The following ITGA9 variants were observed in gnomAD, a reference collection of about 807,000 sequenced individuals.
ITGA9 encodes the protein integrin subunit alpha 9.
ITGA9 carries 56 observed loss-of-function variants against 127.8 expected under a neutral mutation model. The ratio of observed to expected loss-of-function variants is 0.44; its 90% CI spans 0.35 to 0.55. The LOEUF (loss-of-function observed/expected upper bound fraction) is 0.55, where lower values mean the gene tolerates loss of function less well. ITGA9 is among the 20% of genes least tolerant of loss of function. The probability of loss-of-function intolerance (pLI) is 0.00; values close to 1 mark genes in which losing one functional copy is unlikely to be tolerated. For missense variants in ITGA9, 1,196 were observed against 1,347.1 expected (o/e 0.89, Z 1.76); for synonymous variants, 508 against 514.5 (o/e 0.99, Z 0.17).
chr3:37,715,141 G>T (rs1001223689), intron 18 of ITGA9, among the ~76,000 whole-genome samples: 8 of 152,182 alleles, frequency 5.3e-5, no homozygotes, highest in Non-Finnish European at 1.2e-4. Context: ...CCAGGTTAAG[G>T]GTCTCATTCT....
chr3:37,755,405 T>C (rs536306664), intron 23 of ITGA9, among the ~76,000 whole-genome samples: 2 of 151,132 alleles, frequency 1.3e-5, no homozygotes, highest in African/African-American at 4.9e-5. Context: ...AGGAGGAGCA[T>C]CAACACCAGG....
intron 23 of ITGA9, among the ~76,000 whole-genome samples, chr3:37,774,624 G>T (rs1481201739): frequency 6.6e-6 from 1 of 151,988 alleles, no homozygotes; most frequent in Admixed American, 6.5e-5. Context: ...CTACTCAGGA[G>T]GCTGAGGAAG....
chr3:37,754,339 T>G (rs1319632756), intron 23 of ITGA9, among the ~76,000 whole-genome samples: 1 of 152,108 alleles, frequency 6.6e-6, no homozygotes, highest in Non-Finnish European at 1.5e-5. Flanking sequence ...GGAGAAGGCT[T>G]TGGGATTTGG....
chr3:37,479,742 G>C (rs1027293406), intron 3 of ITGA9, among the ~76,000 whole-genome samples: 4 of 152,190 alleles, frequency 2.6e-5, no homozygotes, highest in Non-Finnish European at 4.4e-5. Context: ...GATGGAAAAT[G>C]CTTCATAGTG....
At chr3:37,648,676 A>G (rs897231621) in intron 16 of ITGA9, among the ~76,000 whole-genome samples, 2 of 152,102 alleles carry the variant, frequency 1.3e-5, no homozygotes, top group African/African-American at 4.8e-5. Flanking sequence ...CAACAATACT[A>G]TACCCAGTAA....
In ITGA9 at chr3:37,533,417, A is replaced by ATTC. The variant is rs777288961; in HGVS notation, c.1477_1478insTTC (p.Asn493delinsIleHis). The ATTC allele has an allele frequency of 6.2e-7, 1 of 1,614,194 alleles. No individual in the cohort carries two copies. The highest frequency in any genetic ancestry group is 1.1e-5 in the South Asian group (1 of 91,084). On this transcript the variant is annotated protein_altering_variant, in exon 14 of 28. Coordinates refer to ENST00000264741, the MANE Select transcript of ITGA9 (RefSeq NM_002207.3). Reference sequence around the variant, plus strand: ...CGGACAGCAGCCTGTGAACTGCCTGAACGTCACCACCTGCTTCAGCTTCCA... The same window carrying ATTC: ...CGGACAGCAGCCTGTGAACTGCCTGATTCACGTCACCACCTGCTTCAGCTTCCA...
rs1276344028 is a variant in ITGA9 at position 37,596,398 on chromosome 3, G to T, written c.1690-32789G>T. 3.9e-5 allele frequency among the ~76,000 whole-genome samples: 6 copies of T among 152,256 alleles called. No individual in the cohort carries two copies. The East Asian group carries it at 1.2e-3, about 29-fold the overall frequency. ...CGTTTTTGGAGAAGGCTGATGGGCT[G>T]GGGGGTGTTTTCCGACCTGAGCCCC... On this transcript the variant is annotated intron_variant, in intron 15 of 27. Transcript: ENST00000264741.
chr3:37,463,750 A>G (rs1698341027), intron 1 of ITGA9, among the ~76,000 whole-genome samples: 1 of 152,226 alleles, frequency 6.6e-6, no homozygotes, highest in Admixed American at 6.5e-5. Context: ...CCACTTTGTA[A>G]TATATTACTG....
intron 22 of ITGA9, chr3:37,748,781 C>G: frequency 1.6e-6 from 1 of 611,556 alleles, no homozygotes; most frequent in South Asian, 1.8e-5. Context: ...GGAAGCCAAA[C>G]AGAAAGATAC....
chr3:37,556,675 G>T (rs1699434036), intron 15 of ITGA9, among the ~76,000 whole-genome samples: 1 of 152,204 alleles, frequency 6.6e-6, no homozygotes, highest in Non-Finnish European at 1.5e-5. Flanking sequence ...GGTGCTGCTG[G>T]TCCATAGACC....
At chr3:37,782,236 T>A (rs761240734) in intron 25 of ITGA9, among the ~76,000 whole-genome samples, 2 of 152,256 alleles carry the variant, frequency 1.3e-5, no homozygotes, top group Admixed American at 6.5e-5. Context: ...CCACTGTCCA[T>A]AGAGCCCTGG....
chr3:37,652,948 A>C (rs1575181329), intron 16 of ITGA9, among the ~76,000 whole-genome samples: 2 of 152,262 alleles, frequency 1.3e-5, no homozygotes, highest in South Asian at 2.1e-4. Flanking sequence ...CCCCTCTCCA[A>C]ATGCTGCTGC....
chr3:37,765,434 A>T (rs931332233), intron 23 of ITGA9, among the ~76,000 whole-genome samples: 1 of 152,124 alleles, frequency 6.6e-6, no homozygotes, highest in African/African-American at 2.4e-5. Flanking sequence ...GACACTGCTG[A>T]TCTCAGTAAT....
intron 20 of ITGA9, among the ~76,000 whole-genome samples, chr3:37,738,661 C>G (rs191763060): frequency 4.7e-4 from 71 of 152,294 alleles, no homozygotes; most frequent in African/African-American, 1.5e-3. Context: ...CATTCTCTTG[C>G]CATTTCTTGG....
chr3:37,568,568 G>A (rs1699571396), intron 15 of ITGA9, among the ~76,000 whole-genome samples: 1 of 152,156 alleles, frequency 6.6e-6, no homozygotes, highest in Admixed American at 6.5e-5. Flanking sequence ...AAAACTGAAT[G>A]AATTTAACAG....
rs540084415 is a variant in ITGA9, at chr3:37,672,278, C to T, written c.1917-11587C>T. Among the ~76,000 whole-genome samples the T allele has an allele frequency of 2.1e-3, 320 of 152,176 alleles. 14 individuals are homozygous for T. The South Asian group carries it at 0.056, about 27-fold the overall frequency. Reference sequence around the variant, plus strand: ...ATTCCCACATGTTGTGGCAGGAACCCGGTGGGAGGTAAATAAATCATGGGG... The same window carrying T: ...ATTCCCACATGTTGTGGCAGGAACCTGGTGGGAGGTAAATAAATCATGGGG... On this transcript the variant is annotated intron_variant, in intron 17 of 27. Coordinates refer to ENST00000264741, the MANE Select transcript of ITGA9 (RefSeq NM_002207.3).
intron 15 of ITGA9, among the ~76,000 whole-genome samples, chr3:37,579,205 A>G (rs924330452): frequency 6.6e-6 from 1 of 152,202 alleles, no homozygotes; most frequent in Non-Finnish European, 1.5e-5. Flanking sequence ...GTCAAATTGC[A>G]TGCAGCAGAA....
chr3:37,627,068 A>AT (rs1700182591), intron 15 of ITGA9, among the ~76,000 whole-genome samples: 2 of 152,328 alleles, frequency 1.3e-5, no homozygotes, highest in East Asian at 3.9e-4. Flanking sequence ...CCAGAGGGAC[A>AT]TGAGTATCAA....
chr3:37,647,899 C>T (rs1483199054), intron 16 of ITGA9, among the ~76,000 whole-genome samples: 1 of 151,892 alleles, frequency 6.6e-6, no homozygotes, highest in Non-Finnish European at 1.5e-5. Flanking sequence ...TATATACACA[C>T]CACAATTTCT....
Sources: gnomAD v4.1 joint callset for allele counts (sites outside exome capture counted in the v4.1 genomes callset) on GRCh38, gnomAD v4.1.1 for gene constraint, MANE v1.5 for transcripts, NCBI Gene and HGNC (gene_info 2026-07-23, HGNC 2026-07-21) for gene names.